QKI: variants seen among roughly 807,000 people sequenced by gnomAD.
The protein encoded by QKI is QKI, KH domain containing RNA binding.
Under a neutral mutation model 39.0 loss-of-function variants are expected in QKI, and 10 were observed. The ratio of observed to expected loss-of-function variants is 0.26; its 90% CI spans 0.16 to 0.43. The LOEUF (loss-of-function observed/expected upper bound fraction) is 0.43. Among genes scored for constraint, QKI ranks in the 20% least tolerant of loss-of-function variants. The pLI is 1.00. For missense variants in QKI, 218 were observed against 428.0 expected (o/e 0.51, Z 4.33); for synonymous variants, 204 against 155.4 (o/e 1.31, Z -2.33).
chr6:163,570,613 C>T (rs1201788505), intron 7 of QKI, 81 bp from the exon 8 acceptor site: 3 of 1,580,460 alleles, frequency 1.9e-6, no homozygotes, highest in Non-Finnish European at 2.6e-6. Context: ...GTCATTAAGC[C>T]GTCACTAGCT....
intron 7 of QKI, chr6:163,568,829 T>TC: frequency 1.0e-6 from 1 of 985,810 alleles, no homozygotes; most frequent in South Asian, 4.7e-5. Flanking sequence ...TTGAAGCCTA[T>TC]TAGAGACCAA....
At chr6:163,457,579 G>T (rs962573994) in intron 2 of QKI, 6 of 392,124 alleles carry the variant, frequency 1.5e-5, no homozygotes, top group Admixed American at 3.0e-5. Context: ...CAATTTGCCT[G>T]TTAAGCCCTG....
At chr6:163,499,287 A>G (rs73244787) in intron 3 of QKI, among the ~76,000 whole-genome samples, 3,075 of 152,280 alleles carry the variant, frequency 0.02, 103 homozygotes, top group African/African-American at 0.07. Context: ...CATGTATGAC[A>G]TATCTTGGAC....
chr6:163,509,074 G>T (rs1779276982), intron 3 of QKI, among the ~76,000 whole-genome samples: 1 of 152,094 alleles, frequency 6.6e-6, no homozygotes, highest in African/African-American at 2.4e-5. Flanking sequence ...GGGAGGCGGA[G>T]TTGCAGTGAG....
Position 163,538,686 on chromosome 6 carries a change from G to A in QKI, c.546+3561G>A, listed in dbSNP as rs577930927. The stretch of plus-strand genomic sequence containing the variant: ...GCTGGCCTGAGAATAGACTTTGAGG[G>A]CAGTGGGGAAAGCAGAGATTCCAAT... On this transcript the variant is annotated intron_variant, in intron 4 of 7. Coordinates refer to ENST00000361752, the MANE Select transcript of QKI (RefSeq NM_006775.3). Among the ~76,000 whole-genome samples, 37 of 152,312 alleles carry A rather than the reference G, an allele frequency of 2.4e-4. 1 individual carries two copies. Among genetic ancestry groups the A allele is most frequent in the African/African-American group, 8.9e-4 (37 of 41,578 alleles).
intron 4 of QKI, among the ~76,000 whole-genome samples, chr6:163,553,702 C>G (rs899336040): frequency 6.6e-6 from 1 of 152,058 alleles, no homozygotes; most frequent in Non-Finnish European, 1.5e-5. Context: ...GAAGTAAGTA[C>G]TTATTATTGA....
chr6:163,421,669 T>C (rs1788002783), intron 1 of QKI, among the ~76,000 whole-genome samples: 1 of 152,234 alleles, frequency 6.6e-6, no homozygotes, highest in Non-Finnish European at 1.5e-5. Context: ...TGTCTTTTAA[T>C]TTTAAACAGT....
chr6:163,570,457 T>G, intron 7 of QKI: 3 of 984,400 alleles, frequency 3.0e-6, no homozygotes, highest in Middle Eastern at 1.0e-3. Flanking sequence ...TTTTTTTTTT[T>G]TTTGTGGGAG....
intron 5 of QKI, among the ~76,000 whole-genome samples, chr6:163,562,466 A>AC (rs1783093760): frequency 6.6e-6 from 1 of 152,122 alleles, no homozygotes; most frequent in Non-Finnish European, 1.5e-5. Flanking sequence ...GACTGAAATG[A>AC]CCCTCTGTTG....
At chr6:163,505,005 C>T (rs900551587) in intron 3 of QKI, among the ~76,000 whole-genome samples, 5 of 152,238 alleles carry the variant, frequency 3.3e-5, no homozygotes, top group African/African-American at 9.6e-5. Context: ...AATGGGTGTC[C>T]GGCATTCCAG....
chr6:163,474,461 G>T (rs553755144), intron 2 of QKI, among the ~76,000 whole-genome samples: 2 of 152,130 alleles, frequency 1.3e-5, no homozygotes, highest in East Asian at 3.9e-4. Flanking sequence ...AAGAAATGCT[G>T]GTTGTAAGGT....
intron 4 of QKI, among the ~76,000 whole-genome samples, chr6:163,537,356 C>T (rs1781267880): frequency 6.6e-6 from 1 of 152,158 alleles, no homozygotes; most frequent in South Asian, 2.1e-4. Context: ...AAAATGAATG[C>T]ATTAATTCAA....
intron 1 of QKI, 36 bp downstream of exon 1, chr6:163,415,371 C>G: frequency 2.6e-6 from 4 of 1,560,560 alleles, no homozygotes; most frequent in East Asian, 2.4e-5. Flanking sequence ...CGGCCCGACC[C>G]CCGCCGGGGC....
intron 3 of QKI, among the ~76,000 whole-genome samples, chr6:163,504,897 T>C (rs973843856): frequency 2.6e-5 from 4 of 152,210 alleles, no homozygotes; most frequent in African/African-American, 9.6e-5. Context: ...AAATGTTTAT[T>C]AGCTCTGAAT....
chr6:163,433,637 C>T (rs1002468429), intron 1 of QKI, among the ~76,000 whole-genome samples: 4 of 151,866 alleles, frequency 2.6e-5, no homozygotes, highest in African/African-American at 9.7e-5. Context: ...TGTGGTGGCA[C>T]GTGCCTGTAG....
intron 4 of QKI, among the ~76,000 whole-genome samples, chr6:163,558,234 A>C (rs1223922455): frequency 6.6e-6 from 1 of 152,154 alleles, no homozygotes; most frequent in Non-Finnish European, 1.5e-5. Context: ...TAGTTTTCTC[A>C]TCTGAACTTA....
chr6:163,427,927 G>A (rs1425192769), intron 1 of QKI, among the ~76,000 whole-genome samples: 1 of 152,146 alleles, frequency 6.6e-6, no homozygotes, highest in Non-Finnish European at 1.5e-5. Flanking sequence ...TCTTAAAATT[G>A]TATTTCTTAG....
At position 163,573,290 on chromosome 6, in the gene QKI, C is replaced by CT. The variant is rs1170757440; in HGVS notation, c.*2587dup. On this transcript the variant is annotated 3_prime_UTR_variant, in exon 8 of 8. Transcript: ENST00000361752. ...TTATTAAAATATGTAGTTTTTAAGA[C>CT]TTTTTTTCTGACAGTATTATGTAAT... The CT allele has an allele frequency of 6.6e-6, 1 of 151,986 alleles. No homozygotes were observed. Among genetic ancestry groups the CT allele is most frequent in the Non-Finnish European group, 1.5e-5 (1 of 67,990 alleles). The allele number at this position is 151,986 out of a possible 1,614,324, so 9.4% of individuals were successfully genotyped here.
intron 3 of QKI, among the ~76,000 whole-genome samples, chr6:163,511,140 G>A (rs1779445999): frequency 6.6e-6 from 1 of 152,084 alleles, no homozygotes; most frequent in Admixed American, 6.6e-5. Flanking sequence ...TTTGTAATCA[G>A]TTGGTCAAGA....
Sources: gnomAD v4.1 joint callset for allele counts (sites outside exome capture counted in the v4.1 genomes callset) on GRCh38, gnomAD v4.1.1 for gene constraint, MANE v1.5 for transcripts, NCBI Gene and HGNC (gene_info 2026-07-23, HGNC 2026-07-21) for gene names.